Variants in UGT1A5 observed in about 807,000 individuals in gnomAD.
UGT1A5 encodes UDP-glucuronosyltransferase 1A5.
UGT1A5 carries 29 observed loss-of-function variants against 40.3 expected under a neutral mutation model. That is an observed-to-expected ratio of 0.72 (90% confidence interval 0.54 to 0.98). UGT1A5 has a LOEUF of 0.98. Among genes scored for constraint, UGT1A5 ranks in the 50% least tolerant of loss-of-function variants. UGT1A5 has a pLI of 0.00. For synonymous variants in UGT1A5, 257 were observed against 262.5 expected (o/e 0.98, Z 0.20); for missense variants, 678 against 677.9 (o/e 1.00, Z 0.00).
chr2:233,713,360 C>G lies in UGT1A5; in HGVS notation c.369C>G (p.Ile123Met). The part of the protein sequence containing the change: ...RMAIMNNMSL[I>M]IHRSCVELLH... ...CAATTATGAACAATATGTCTTTGAT[C>G]ATACATAGGTCTTGTGTGGAGCTAC... Residue 123 changes from isoleucine to methionine, a missense_variant, in exon 1 of 5, where the codon ATC (isoleucine) becomes ATG (methionine). Ile to Met is a conservative substitution (Grantham distance 10). Transcript: ENST00000373414. The G allele has an allele frequency of 6.2e-7, 1 of 1,614,162 alleles. No homozygotes were observed. Among genetic ancestry groups the G allele is most frequent in the Non-Finnish European group, 8.5e-7 (1 of 1,180,034 alleles).
At chr2:233,764,961 TG>T (rs1172324167) in intron 1 of UGT1A5, among the ~76,000 whole-genome samples, 1 of 152,020 alleles carries the variant, frequency 6.6e-6, no homozygotes, top group Non-Finnish European at 1.5e-5. Context: ...GGGCTCACCT[TG>T]GGAGAAGGAT....
Position 233,772,346 on chromosome 2 carries a change from G to C in UGT1A5, c.1392G>C (p.Glu464Asp), listed in dbSNP as rs115944950. ...TGGACCTGGCCGTGTTCTGGGTGGA[G>C]TTTGTGATGAGGCACAAGGGCGCGC... ...EPLDLAVFWVEFVMRHKGAPH... is the reference protein window; with the variant it reads ...EPLDLAVFWVDFVMRHKGAPH... Residue 464 changes from glutamate (E) to aspartate (D), a missense_variant, in exon 5 of 5, where the codon GAG (glutamate) becomes GAC (aspartate). Coordinates refer to ENST00000373414, the MANE Select transcript of UGT1A5 (RefSeq NM_019078.2). 30 of 1,614,132 alleles carry C rather than the reference G, an allele frequency of 1.9e-5. No individual in the cohort carries two copies. In the East Asian group the frequency reaches 6.5e-4, roughly 35 times the overall value.
At chr2:233,754,037 T>C (rs1376554387) in intron 1 of UGT1A5, among the ~76,000 whole-genome samples, 1 of 152,244 alleles carries the variant, frequency 6.6e-6, no homozygotes, top group Non-Finnish European at 1.5e-5. Context: ...ATGCATCCAC[T>C]TTGCCAGGTT....
intron 1 of UGT1A5, among the ~76,000 whole-genome samples, chr2:233,722,756 G>T (rs2077034440): frequency 6.6e-6 from 1 of 151,434 alleles, no homozygotes; most frequent in African/African-American, 2.4e-5. Context: ...TGTCTATAAG[G>T]CTGTTACCTA....
At chr2:233,730,730 G>A (rs186110324) in intron 1 of UGT1A5, among the ~76,000 whole-genome samples, 24 of 152,186 alleles carry the variant, frequency 1.6e-4, no homozygotes, top group African/African-American at 4.1e-4. Context: ...AAGAAATGGC[G>A]GAAGGGGCTA....
In UGT1A5 at chr2:233,713,304, C is replaced by T. The variant is rs200200998; in HGVS notation, c.313C>T (p.His105Tyr). ...GHTQSFFETE[H>Y]LLMKFSRRMA... ...CACTCAATCGTTCTTTGAAACAGAA[C>T]ATCTTCTGATGAAATTTTCTAGAAG... Residue 105 changes from histidine to tyrosine, a missense_variant, in exon 1 of 5, where the codon CAT (histidine) becomes TAT (tyrosine). Physicochemically the swap from His to Tyr is moderately conservative, Grantham distance 83. Coordinates refer to ENST00000373414, the MANE Select transcript of UGT1A5 (RefSeq NM_019078.2). 6.2e-7 allele frequency: 1 copy of T among 1,614,230 alleles called. No homozygotes were observed. Among genetic ancestry groups the T allele is most frequent in the Non-Finnish European group, 8.5e-7 (1 of 1,180,044 alleles).
In UGT1A5 at chr2:233,724,567, C is replaced by T. The variant is rs1005770116; in HGVS notation, c.867+10709C>T. Among the ~76,000 whole-genome samples, 5 of 126,436 alleles carry T rather than the reference C, an allele frequency of 4.0e-5. No individual in the cohort carries two copies. In the East Asian group the frequency reaches 1.3e-3, roughly 33 times the overall value. 82.9% of individuals were successfully genotyped at this position (126,436 alleles called of 152,430 possible). A position where few individuals can be genotyped will look rare whatever the true frequency, so the allele number is the denominator to read the frequency against. On this transcript the variant is annotated intron_variant, in intron 1 of 4. Coordinates refer to ENST00000373414, the MANE Select transcript of UGT1A5 (RefSeq NM_019078.2). ...GCTCCTCACATCCCAGATGGGGCGG[C>T]GGGGCAGAGGCGCTCCCCACATCTC...
At position 233,713,182 on chromosome 2, in the gene UGT1A5, A is replaced by G. The variant is rs935339991; in HGVS notation, c.191A>G (p.Glu64Gly). ...CACCAGGTGGTGGTCCTCACCCTGG[A>G]GGTGAATATGTACATCAAAGAAGAG... Reference protein sequence around the residue: ...RGHQVVVLTLEVNMYIKEENF... With the variant: ...RGHQVVVLTLGVNMYIKEENF... Residue 64 changes from glutamate (E) to glycine (G), a missense_variant, in exon 1 of 5, where the codon GAG (glutamate) becomes GGG (glycine). Physicochemically the swap from Glu to Gly is moderately conservative, Grantham distance 98. Transcript: ENST00000373414. 6.2e-7 allele frequency: 1 copy of G among 1,614,228 alleles called. No individual in the cohort carries two copies. The highest frequency in any genetic ancestry group is 8.5e-7 in the Non-Finnish European group (1 of 1,180,042).
chr2:233,717,210 G>A (rs145684488), intron 1 of UGT1A5, among the ~76,000 whole-genome samples: 64 of 152,210 alleles, frequency 4.2e-4, no homozygotes, highest in Non-Finnish European at 9.1e-4. Flanking sequence ...CCCTCACCCC[G>A]GGCTCATCAG....
chr2:233,747,668 C>T (rs1693744696), intron 1 of UGT1A5: 1 of 1,603,064 alleles, frequency 6.2e-7, no homozygotes, highest in East Asian at 2.2e-5. Context: ...TTTTAATAGA[C>T]CCAATTTACC....
intron 1 of UGT1A5, among the ~76,000 whole-genome samples, chr2:233,722,549 T>C (rs2077022097): frequency 6.6e-6 from 1 of 152,228 alleles, no homozygotes; most frequent in East Asian, 1.9e-4. Flanking sequence ...CTAGTTTCTT[T>C]TGGTTGATTT....
At chr2:233,723,516 CTTTTTTTT>C (rs1162916866) in intron 1 of UGT1A5, among the ~76,000 whole-genome samples, 9 of 85,406 alleles carry the variant, frequency 1.1e-4, no homozygotes, top group African/African-American at 3.9e-4. Context: ...GGTCAACAAT[CTTTTTTTT>C]TTTTTTTTTT....
chr2:233,743,757 C>T, intron 1 of UGT1A5: 2 of 1,367,374 alleles, frequency 1.5e-6, no homozygotes, highest in Non-Finnish European at 2.0e-6. Flanking sequence ...GACAACACCT[C>T]GTAGGCCTCG....
At chr2:233,745,418 GATAA>G (rs1158575048) in intron 1 of UGT1A5, among the ~76,000 whole-genome samples, 1 of 151,578 alleles carries the variant, frequency 6.6e-6, no homozygotes, top group Non-Finnish European at 1.5e-5. Context: ...TCTTTTCTTT[GATAA>G]ATTGTGAGGC....
At position 233,718,196 on chromosome 2, in the gene UGT1A5, G is replaced by A. The variant is rs1258462384; in HGVS notation, c.867+4338G>A. On this transcript the variant is annotated intron_variant, in intron 1 of 4. Transcript: ENST00000373414. ...ACATCTTGAGCTCAGCCTCCCCGGA[G>A]CTTTTTTTTATATTGACAGCCACTT... 4.6e-5 allele frequency among the ~76,000 whole-genome samples: 7 copies of A among 152,156 alleles called. No individual in the cohort carries two copies. In the South Asian group the frequency reaches 1.5e-3, roughly 32 times the overall value.
At chr2:233,734,119 A>AATAATC (rs2125784278) in intron 1 of UGT1A5, among the ~76,000 whole-genome samples, 1 of 152,144 alleles carries the variant, frequency 6.6e-6, no homozygotes, top group Non-Finnish European at 1.5e-5. Context: ...TAATAATAAT[A>AATAATC]ATAAAAAGAA....
At chr2:233,719,072 G>C (rs148007151) in intron 1 of UGT1A5, 2 of 1,614,284 alleles carry the variant, frequency 1.2e-6, no homozygotes, top group African/African-American at 2.7e-5. Flanking sequence ...CTGTTCCATG[G>C]ACCCAGAAGG....
At chr2:233,718,115 A>C (rs571741074) in intron 1 of UGT1A5, 31 of 307,724 alleles carry the variant, frequency 1.0e-4, no homozygotes, top group Middle Eastern at 2.3e-3. Flanking sequence ...AGCACCTCTT[A>C]TTCCATGGTG....
chr2:233,727,230 G>A (rs1426737314), intron 1 of UGT1A5, among the ~76,000 whole-genome samples: 1 of 152,174 alleles, frequency 6.6e-6, no homozygotes, highest in Non-Finnish European at 1.5e-5. Context: ...ATATGCGGAT[G>A]GCTCCAAGTC....
Sources: allele counts gnomAD v4.1 joint callset (sites outside exome capture counted in the v4.1 genomes callset), GRCh38; gene constraint gnomAD v4.1.1; transcripts MANE v1.5; gene names NCBI Gene and HGNC (gene_info 2026-07-23, HGNC 2026-07-21).